The following ADCY2 variants were observed in gnomAD, a reference collection of about 807,000 sequenced individuals.
ADCY2 encodes adenylate cyclase type 2.
A neutral mutation model predicts 125.2 loss-of-function variants in ADCY2; 31 were observed. The observed-to-expected ratio is 0.25, with a 90% CI of 0.19 to 0.33. ADCY2 has a LOEUF of 0.33. ADCY2 is among the 10% of genes least tolerant of loss of function. The pLI is 1.00. For synonymous variants in ADCY2, 512 were observed against 548.4 expected (o/e 0.93, Z 0.93); for missense variants, 904 against 1,418.2 (o/e 0.64, Z 5.82).
intron 2 of ADCY2, among the ~76,000 whole-genome samples, chr5:7,457,629 A>G (rs1412212274): frequency 1.3e-5 from 2 of 152,226 alleles, no homozygotes; most frequent in African/African-American, 4.8e-5. Flanking sequence ...AAATGGGACA[A>G]GGTGCAGGGA....
At chr5:7,710,383 G>T (rs753927749) in intron 10 of ADCY2, among the ~76,000 whole-genome samples, 12 of 152,122 alleles carry the variant, frequency 7.9e-5, no homozygotes, top group Admixed American at 2.0e-4. Context: ...AGCAAAGGAG[G>T]GACCATAGAT....
intron 24 of ADCY2, among the ~76,000 whole-genome samples, chr5:7,821,582 T>G (rs901950035): frequency 6.6e-6 from 1 of 152,202 alleles, no homozygotes; most frequent in Non-Finnish European, 1.5e-5. Flanking sequence ...CATGAGCAAG[T>G]CAAACTCAAC....
chr5:7,635,404 CT>C (rs1055245946), intron 4 of ADCY2, among the ~76,000 whole-genome samples: 4 of 152,052 alleles, frequency 2.6e-5, no homozygotes, highest in African/African-American at 9.7e-5. Context: ...GTATGGGTTA[CT>C]TTTGGATTAG....
chr5:7,660,016 A>T (rs1739468432), intron 4 of ADCY2, among the ~76,000 whole-genome samples: 1 of 152,168 alleles, frequency 6.6e-6, no homozygotes, highest in Admixed American at 6.5e-5. Context: ...GAAACAATAG[A>T]TACCAGGGAT....
intron 3 of ADCY2, among the ~76,000 whole-genome samples, chr5:7,614,106 A>G (rs373932424): frequency 1.3e-5 from 2 of 152,224 alleles, no homozygotes; most frequent in South Asian, 2.1e-4. Context: ...ATAGTCATCA[A>G]ACCTAATTCT....
intron 2 of ADCY2, among the ~76,000 whole-genome samples, chr5:7,427,956 C>T (rs1740447166): frequency 6.6e-6 from 1 of 152,148 alleles, no homozygotes; most frequent in Admixed American, 6.5e-5. Flanking sequence ...TGTGGAGCCC[C>T]TTGTTAAAAA....
At chr5:7,704,675 C>G (rs534601225) in intron 7 of ADCY2, among the ~76,000 whole-genome samples, 16 of 152,134 alleles carry the variant, frequency 1.1e-4, no homozygotes, top group African/African-American at 3.9e-4. Flanking sequence ...GTCAGGACAT[C>G]GAGACCATCC....
intron 18 of ADCY2, among the ~76,000 whole-genome samples, chr5:7,775,208 T>C (rs1220480477): frequency 6.6e-6 from 1 of 150,778 alleles, no homozygotes; most frequent in African/African-American, 2.5e-5. Flanking sequence ...TGTGTGTGTG[T>C]GTATGCACAC....
chr5:7,565,162 A>C (rs976952355), intron 3 of ADCY2, among the ~76,000 whole-genome samples: 92 of 152,338 alleles, frequency 6.0e-4, no homozygotes, highest in Middle Eastern at 6.8e-3. Context: ...ACTAGAAGGA[A>C]AAGTTTCTCC....
intron 4 of ADCY2, among the ~76,000 whole-genome samples, chr5:7,681,801 A>G (rs894558940): frequency 6.6e-5 from 10 of 152,152 alleles, no homozygotes; most frequent in Non-Finnish European, 1.2e-4. Context: ...AAGGGGGGCC[A>G]TTGTCCCCAC....
rs142321341 is a variant in ADCY2 at position 7,556,266 on chromosome 5, A to C, written c.570+35367A>C. Among the ~76,000 whole-genome samples, 109 of 152,328 alleles carry C rather than the reference A, an allele frequency of 7.2e-4. No individual in the cohort carries two copies. The East Asian group carries it at 0.019, about 26-fold the overall frequency. ...GTAATTCATTCATCAGTCAGTGAAT[A>C]GTGTAGAGAAGTCATTATGTCCCTA... On this transcript the variant is annotated intron_variant, in intron 3 of 24. Coordinates refer to ENST00000338316, the MANE Select transcript of ADCY2 (RefSeq NM_020546.3).
At chr5:7,402,401 T>C (rs1739296628) in intron 1 of ADCY2, among the ~76,000 whole-genome samples, 1 of 152,222 alleles carries the variant, frequency 6.6e-6, no homozygotes, top group African/African-American at 2.4e-5. Context: ...AAGACTTTGT[T>C]TGTTCAACTG....
intron 17 of ADCY2, among the ~76,000 whole-genome samples, chr5:7,769,621 T>A: frequency 6.6e-6 from 1 of 152,160 alleles, no homozygotes; most frequent in East Asian, 1.9e-4. Context: ...TGGGAAAACA[T>A]AGTCCTTTTA....
intron 4 of ADCY2, among the ~76,000 whole-genome samples, chr5:7,679,740 T>C (rs1035354096): frequency 2.6e-5 from 4 of 152,206 alleles, no homozygotes. Flanking sequence ...GGACAGCTTT[T>C]GGAGGGAAGG....
chr5:7,646,253 C>T (rs1280801555), intron 4 of ADCY2, among the ~76,000 whole-genome samples: 4 of 151,474 alleles, frequency 2.6e-5, no homozygotes, highest in Non-Finnish European at 5.9e-5. Context: ...TGTTTTTAAT[C>T]AAATGATTTT....
At chr5:7,508,678 G>C (rs1489323001) in intron 2 of ADCY2, among the ~76,000 whole-genome samples, 1 of 152,174 alleles carries the variant, frequency 6.6e-6, no homozygotes, top group East Asian at 1.9e-4. Flanking sequence ...AGGTGGGTGG[G>C]GAGCACACTT....
chr5:7,757,631 G>A (rs775580296), intron 16 of ADCY2, 45 bp downstream of exon 16: 3 of 1,595,662 alleles, frequency 1.9e-6, no homozygotes, highest in Non-Finnish European at 2.6e-6. Context: ...AAGCCCCAGA[G>A]CATGGCCGTG....
At chr5:7,519,588 GTTTTTTA>G (rs1342571268) in intron 2 of ADCY2, among the ~76,000 whole-genome samples, 2 of 152,050 alleles carry the variant, frequency 1.3e-5, no homozygotes, top group Non-Finnish European at 2.9e-5. Flanking sequence ...GAAAATGATC[GTTTTTTA>G]TTACCTACTA....
intron 2 of ADCY2, among the ~76,000 whole-genome samples, chr5:7,480,181 C>A (rs1323175140): frequency 6.6e-6 from 1 of 152,124 alleles, no homozygotes; most frequent in African/African-American, 2.4e-5. Flanking sequence ...TAAATGAGTT[C>A]AACCACTGTG....
Sources: gnomAD v4.1 joint callset for allele counts (sites outside exome capture counted in the v4.1 genomes callset) on GRCh38, gnomAD v4.1.1 for gene constraint, MANE v1.5 for transcripts, NCBI Gene and HGNC (gene_info 2026-07-23, HGNC 2026-07-21) for gene names.